Variants in NLGN1 observed in about 807,000 individuals in gnomAD.
The protein encoded by NLGN1 is neuroligin 1, also known as neuroligin-1.
NLGN1 carries 12 observed loss-of-function variants against 65.5 expected under a neutral mutation model. That is an observed-to-expected ratio of 0.18 (90% CI 0.12 to 0.30). NLGN1 has a LOEUF of 0.30. Ranked by LOEUF, NLGN1 falls within the 10% of genes least tolerant of loss-of-function variation. NLGN1 has a pLI of 1.00. For missense variants in NLGN1, 750 were observed against 1,007.1 expected, an observed-to-expected ratio of 0.74 and a Z score of 3.46; for synonymous variants, 350 against 359.5, an observed-to-expected ratio of 0.97 and a Z score of 0.30.
rs556169879 is a variant in NLGN1, at chr3:174,056,925, T to G, written c.647-218390T>G. The stretch of plus-strand genomic sequence containing the variant: ...TTTAAGCCATATATATATATTTTTT[T>G]TCATTTTTCTACATTATGATTAATC... On this transcript the variant is annotated intron_variant, in intron 4 of 6. Coordinates refer to ENST00000457714, the Ensembl canonical transcript of NLGN1. 3.4e-3 allele frequency among the ~76,000 whole-genome samples: 514 copies of G among 152,090 alleles called. 2 individuals are homozygous for G. The highest frequency in any genetic ancestry group is 0.011 in the African/African-American group (477 of 41,516).
chr3:173,927,348 G>A (rs183482065), intron 4 of NLGN1, among the ~76,000 whole-genome samples: 3 of 152,090 alleles, frequency 2.0e-5, no homozygotes, highest in South Asian at 2.1e-4. Flanking sequence ...GGCATGAGCC[G>A]CCATGCCCAG....
At chr3:173,523,754 A>G (rs1010262170) in intron 2 of NLGN1, among the ~76,000 whole-genome samples, 7 of 151,534 alleles carry the variant, frequency 4.6e-5, no homozygotes, top group East Asian at 1.9e-4. Flanking sequence ...TTTTGATTAC[A>G]TATGAAATTT....
chr3:173,537,001 A>G (rs967250845), intron 2 of NLGN1, among the ~76,000 whole-genome samples: 4 of 152,222 alleles, frequency 2.6e-5, no homozygotes, highest in East Asian at 1.9e-4. Context: ...GCAGGCAAAA[A>G]GAGTGACTTC....
chr3:173,956,396 T>A (rs958588699), intron 4 of NLGN1, among the ~76,000 whole-genome samples: 2 of 152,208 alleles, frequency 1.3e-5, no homozygotes, highest in African/African-American at 4.8e-5. Flanking sequence ...TTTCCCTTCC[T>A]CTTCCTCCTT....
At chr3:173,812,756 C>A (rs189677762) in intron 4 of NLGN1, among the ~76,000 whole-genome samples, 1 of 109,682 alleles carries the variant, frequency 9.1e-6, no homozygotes, top group Non-Finnish European at 1.9e-5. Context: ...TATGTGTGTG[C>A]GTGTATATAT....
At chr3:174,076,527 GT>G in intron 4 of NLGN1, among the ~76,000 whole-genome samples, 1 of 152,182 alleles carries the variant, frequency 6.6e-6, no homozygotes, top group East Asian at 1.9e-4. Flanking sequence ...TCAACCAAAG[GT>G]TTCATCTAAA....
chr3:173,791,499 G>A (rs1219039548), intron 3 of NLGN1, among the ~76,000 whole-genome samples: 1 of 149,268 alleles, frequency 6.7e-6, no homozygotes, highest in Non-Finnish European at 1.5e-5. Context: ...AAATCCATTG[G>A]CTTGTTTTTA....
At position 173,546,914 on chromosome 3, in the gene NLGN1, T is replaced by C. The variant is rs769193404; in HGVS notation, c.-320-57365T>C. Among the ~76,000 whole-genome samples the C allele has an allele frequency of 8.6e-4, 131 of 152,304 alleles. 1 individual carries two copies. The highest frequency in any genetic ancestry group is 3.4e-3 in the Middle Eastern group (1 of 294). On this transcript the variant is annotated intron_variant, in intron 2 of 6. Transcript: ENST00000457714. ...ATATTATTTATAACTTAGAAAGTAA[T>C]ATGTGCATATGCATAAAAAAGCAAT...
chr3:173,747,795 C>CTTCTTTTTTTTT lies in NLGN1; in HGVS notation c.494-59883_494-59882insCTTTTTTTTTTT, dbSNP rs1560289220. Among the ~76,000 whole-genome samples, 42 of 78,598 alleles carry CTTCTTTTTTTTT rather than the reference C, an allele frequency of 5.3e-4. 2 individuals carry two copies. The highest frequency in any genetic ancestry group is 2.6e-3 in the African/African-American group (42 of 16,142). The allele number at this position is 78,598 out of a possible 152,430, so 51.6% of individuals were successfully genotyped here. A position where few individuals can be genotyped will look rare whatever the true frequency, so the allele number is the denominator to read the frequency against. ...AAACAAAATTTTCTTTCTTCTTCTTCTTGTTCTTTTTTTTTTTTTTTTTTT... is the reference window on the plus strand; with the variant it reads ...AAACAAAATTTTCTTTCTTCTTCTTCTTCTTTTTTTTTTTGTTCTTTTTTTTTTTTTTTTTTT... On this transcript the variant is annotated intron_variant, in intron 3 of 6. Coordinates refer to ENST00000457714, the Ensembl canonical transcript of NLGN1.
intron 3 of NLGN1, among the ~76,000 whole-genome samples, chr3:173,791,214 A>C (rs1038908492): frequency 6.6e-6 from 1 of 152,212 alleles, no homozygotes; most frequent in Non-Finnish European, 1.5e-5. Flanking sequence ...CAGCCAAAGC[A>C]ACTTGGACGC....
chr3:174,122,304 C>A (rs930044935), intron 4 of NLGN1, among the ~76,000 whole-genome samples: 1 of 152,074 alleles, frequency 6.6e-6, no homozygotes, highest in Non-Finnish European at 1.5e-5. Context: ...AAAGTTTTAA[C>A]CCATTTGGAA....
intron 4 of NLGN1, among the ~76,000 whole-genome samples, chr3:173,906,878 CAAAAAA>C (rs1224471514): frequency 3.4e-5 from 3 of 88,270 alleles, no homozygotes; most frequent in East Asian, 3.4e-4. Context: ...CAAACAAAAA[CAAAAAA>C]AAAAAAAAAA....
intron 4 of NLGN1, among the ~76,000 whole-genome samples, chr3:174,102,482 AGATAACAC>A (rs1238378283): frequency 6.6e-6 from 1 of 152,184 alleles, no homozygotes; most frequent in Non-Finnish European, 1.5e-5. Context: ...GCTTGTCAGC[AGATAACAC>A]AATCAACCTT....
chr3:173,905,154 A>G (rs942468460), intron 4 of NLGN1, among the ~76,000 whole-genome samples: 2 of 152,150 alleles, frequency 1.3e-5, no homozygotes, highest in African/African-American at 2.4e-5. Context: ...TCCCATGTGG[A>G]CTATCGCCAT....
At chr3:174,112,947 A>T (rs1452706773) in intron 4 of NLGN1, among the ~76,000 whole-genome samples, 2 of 151,880 alleles carry the variant, frequency 1.3e-5, no homozygotes, top group African/African-American at 4.8e-5. Flanking sequence ...CTTTATGGCT[A>T]AACAGAAATA....
chr3:173,453,052 G>T (rs1188635387), intron 2 of NLGN1, among the ~76,000 whole-genome samples: 1 of 151,954 alleles, frequency 6.6e-6, no homozygotes, highest in African/African-American at 2.4e-5. Flanking sequence ...GACTGATCGG[G>T]GTGGTAGTTG....
chr3:173,743,888 TA>T (rs1481937773), intron 3 of NLGN1, among the ~76,000 whole-genome samples: 5 of 152,136 alleles, frequency 3.3e-5, no homozygotes, highest in African/African-American at 1.2e-4. Flanking sequence ...TTTAATGTTT[TA>T]TACAGTAAAA....
chr3:173,943,892 A>G (rs545814735), intron 4 of NLGN1, among the ~76,000 whole-genome samples: 34 of 152,178 alleles, frequency 2.2e-4, no homozygotes, highest in Non-Finnish European at 1.5e-4. Flanking sequence ...ATTATTTACA[A>G]AGTAGTAAAA....
At chr3:173,653,523 T>C (rs1759533173) in intron 3 of NLGN1, among the ~76,000 whole-genome samples, 1 of 152,192 alleles carries the variant, frequency 6.6e-6, no homozygotes, top group African/African-American at 2.4e-5. Context: ...TTAACTTTGT[T>C]TATATGATGA....
Sources: allele counts gnomAD v4.1 joint callset (sites outside exome capture counted in the v4.1 genomes callset), GRCh38; gene constraint gnomAD v4.1.1; transcripts MANE v1.5; gene names NCBI Gene and HGNC (gene_info 2026-07-23, HGNC 2026-07-21).